CDH13: variants seen among roughly 807,000 people sequenced by gnomAD.
CDH13 encodes cadherin 13.
A neutral mutation model predicts 63.8 loss-of-function variants in CDH13; 24 were observed. The ratio of observed to expected loss-of-function variants is 0.38; its 90% CI spans 0.27 to 0.53. CDH13 has a LOEUF of 0.53. Ranked by LOEUF, CDH13 falls within the 20% of genes least tolerant of loss-of-function variation. The pLI is 0.85. For missense variants in CDH13, 1,049 were observed against 903.1 expected, an observed-to-expected ratio of 1.16 and a Z score of -2.07; for synonymous variants, 503 against 355.3, an observed-to-expected ratio of 1.42 and a Z score of -4.67.
chr16:83,191,016 C>G (rs1160562658), intron 4 of CDH13, among the ~76,000 whole-genome samples: 1 of 151,656 alleles, frequency 6.6e-6, no homozygotes, highest in African/African-American at 2.4e-5. Flanking sequence ...AAACTTTTTG[C>G]AAATAATCAA....
At chr16:83,114,211 A>T (rs1482721111) in intron 3 of CDH13, among the ~76,000 whole-genome samples, 1 of 152,176 alleles carries the variant, frequency 6.6e-6, no homozygotes, top group Non-Finnish European at 1.5e-5. Context: ...TGGACCTTCG[A>T]TGCATTTTTT....
In CDH13 at chr16:83,225,817, G is replaced by C. The variant is rs1169252121; in HGVS notation, c.636+8320G>C. On this transcript the variant is annotated intron_variant, in intron 5 of 13. Transcript: ENST00000567109. ...GTGAAGCCAAGTTTGAGAAACTGTT[G>C]TGTTACTATAACTTGTCTGTACCCC... Among the ~76,000 whole-genome samples the C allele has an allele frequency of 2.0e-5, 3 of 150,972 alleles. No homozygotes were observed. The Admixed American group carries it at 2.0e-4, about 10-fold the overall frequency.
At chr16:83,431,577 A>G (rs1480315392) in intron 6 of CDH13, among the ~76,000 whole-genome samples, 1 of 152,164 alleles carries the variant, frequency 6.6e-6, no homozygotes, top group Non-Finnish European at 1.5e-5. Context: ...CAGGCTGTAC[A>G]GGAAACACAA....
chr16:83,110,000 G>C (rs1426412051), intron 3 of CDH13, among the ~76,000 whole-genome samples: 2 of 152,200 alleles, frequency 1.3e-5, no homozygotes, highest in African/African-American at 2.4e-5. Context: ...TTCATCCAAA[G>C]CGTATGTTTT....
rs538403869 is a variant in CDH13, at chr16:82,786,167, C to T, written c.46-72195C>T. Among the ~76,000 whole-genome samples, 12 of 152,266 alleles carry T rather than the reference C, an allele frequency of 7.9e-5. No homozygotes were observed. The South Asian group carries it at 1.5e-3, about 18-fold the overall frequency. Reference sequence around the variant, plus strand: ...TCAGGGTGGAGTAGGTAATGGAAAACGGTTGCTTTACGAGGAAGTTAAGTT... The same window carrying T: ...TCAGGGTGGAGTAGGTAATGGAAAATGGTTGCTTTACGAGGAAGTTAAGTT... On this transcript the variant is annotated intron_variant, in intron 1 of 13. Transcript: ENST00000567109.
intron 2 of CDH13, among the ~76,000 whole-genome samples, chr16:82,912,816 A>G (rs1327812336): frequency 5.3e-5 from 8 of 151,930 alleles, no homozygotes; most frequent in Non-Finnish European, 8.8e-5. Context: ...GGTGGCGGGC[A>G]CCTGTAGTCC....
At chr16:83,359,134 G>T (rs1244979722) in intron 6 of CDH13, among the ~76,000 whole-genome samples, 1 of 152,096 alleles carries the variant, frequency 6.6e-6, no homozygotes, top group African/African-American at 2.4e-5. Context: ...GTACCTGTGA[G>T]TTCATCAGGG....
intron 10 of CDH13, among the ~76,000 whole-genome samples, chr16:83,718,229 C>T (rs912357118): frequency 6.6e-6 from 1 of 152,204 alleles, no homozygotes; most frequent in African/African-American, 2.4e-5. Context: ...GGAGCTGAAT[C>T]CCAGAGGAAC....
intron 3 of CDH13, among the ~76,000 whole-genome samples, chr16:83,046,272 C>T (rs2151495808): frequency 6.6e-6 from 1 of 152,220 alleles, no homozygotes; most frequent in South Asian, 2.1e-4. Flanking sequence ...TGCTGAATTG[C>T]TTCTATCTTT....
intron 10 of CDH13, among the ~76,000 whole-genome samples, chr16:83,715,725 C>G (rs938995046): frequency 8.5e-5 from 13 of 152,136 alleles, no homozygotes; most frequent in African/African-American, 3.1e-4. Context: ...TCAGCCCAGG[C>G]CAGGAGTCAG....
At chr16:83,167,835 C>A (rs1430917364) in intron 4 of CDH13, among the ~76,000 whole-genome samples, 3 of 151,600 alleles carry the variant, frequency 2.0e-5, no homozygotes, top group Admixed American at 6.6e-5. Flanking sequence ...TGAAAAAAAA[C>A]GTGGTACATA....
In CDH13 at chr16:82,644,815, C is replaced by A. The variant is rs1014522628; in HGVS notation, c.45+17678C>A. Among the ~76,000 whole-genome samples the A allele has an allele frequency of 7.9e-5, 12 of 152,150 alleles. No homozygotes were observed. The highest frequency in any genetic ancestry group is 1.2e-4 in the Non-Finnish European group (8 of 68,026). On this transcript the variant is annotated intron_variant, in intron 1 of 13. Transcript: ENST00000567109. The surrounding 1 kb of genome is among the most constrained non-coding windows in gnomAD (Gnocchi z 5.7). ...AAGCCACGTAAGTGTCTGATTCAGT[C>A]CTCCCTGGTCAGTTTTCCAGCATAG... is the stretch of plus-strand genomic sequence containing the variant.
intron 2 of CDH13, among the ~76,000 whole-genome samples, chr16:82,995,485 C>T (rs1359601200): frequency 6.6e-6 from 1 of 152,114 alleles, no homozygotes; most frequent in Non-Finnish European, 1.5e-5. Flanking sequence ...TTGAATTAAG[C>T]TGAAAAGGGT....
At chr16:82,692,235 G>C (rs781501842) in intron 1 of CDH13, among the ~76,000 whole-genome samples, 4 of 152,300 alleles carry the variant, frequency 2.6e-5, no homozygotes, top group South Asian at 4.1e-4. Context: ...ATGTTATTAG[G>C]CTCAAATGTT....
At chr16:83,534,549 G>A (rs1399569619) in intron 7 of CDH13, among the ~76,000 whole-genome samples, 2 of 152,206 alleles carry the variant, frequency 1.3e-5, no homozygotes, top group Non-Finnish European at 2.9e-5. Context: ...CTTGACTCAG[G>A]TGATGCCTGT....
chr16:83,048,494 T>C (rs1918001735), intron 3 of CDH13, among the ~76,000 whole-genome samples: 3 of 152,204 alleles, frequency 2.0e-5, no homozygotes, highest in Non-Finnish European at 4.4e-5. Context: ...GCTCTTCACC[T>C]TGAGCACCAC....
chr16:82,957,393 C>G (rs2151333619), intron 2 of CDH13, among the ~76,000 whole-genome samples: 1 of 152,270 alleles, frequency 6.6e-6, no homozygotes, highest in South Asian at 2.1e-4. Context: ...GCACTGGAAT[C>G]ACACCATTTT....
At chr16:83,557,364 G>A (rs1429673879) in intron 7 of CDH13, among the ~76,000 whole-genome samples, 3 of 152,002 alleles carry the variant, frequency 2.0e-5, no homozygotes, top group Non-Finnish European at 4.4e-5. Context: ...AAATGTAATG[G>A]GCTTGACTCA....
intron 11 of CDH13, 61 bp from the exon 12 acceptor site, chr16:83,779,907 C>A: frequency 9.2e-7 from 1 of 1,081,668 alleles, no homozygotes; most frequent in South Asian, 1.5e-5. Flanking sequence ...GCAAAAAGTG[C>A]TATGGTAAAT....
Sources: allele counts gnomAD v4.1 joint callset (sites outside exome capture counted in the v4.1 genomes callset), GRCh38; gene constraint gnomAD v4.1.1; non-coding constraint Gnocchi (gnomAD v3.1); transcripts MANE v1.5; gene names NCBI Gene and HGNC (gene_info 2026-07-23, HGNC 2026-07-21).